Variants in ANK2 observed in about 807,000 individuals in gnomAD.
ANK2 encodes the protein ankyrin 2.
A neutral mutation model predicts 360.5 loss-of-function variants in ANK2; 83 were observed. That is an observed-to-expected ratio of 0.23 (90% CI 0.19 to 0.28). ANK2 has a LOEUF of 0.28. Among genes scored for constraint, ANK2 ranks in the 10% least tolerant of loss-of-function variants. The pLI is 1.00. For synonymous variants in ANK2, 1,740 were observed against 1,759.5 expected, an observed-to-expected ratio of 0.99 and a Z score of 0.28; for missense variants, 4,201 against 4,795.7, an observed-to-expected ratio of 0.88 and a Z score of 3.66.
intron 1 of ANK2, among the ~76,000 whole-genome samples, chr4:112,882,995 A>ACTT (rs2150472017): frequency 7.8e-6 from 1 of 127,406 alleles, no homozygotes; most frequent in East Asian, 2.4e-4. Flanking sequence ...GCTACTGGAC[A>ACTT]CTTTCTGGTT....
the ANK2 span, among the ~76,000 whole-genome samples, chr4:112,812,251 T>C: frequency 6.6e-6 from 1 of 152,150 alleles, no homozygotes; most frequent in Non-Finnish European, 1.5e-5. Context: ...CATTAGGACT[T>C]TTATATATTC....
chr4:113,304,760 A>T (rs2076451284), intron 23 of ANK2, among the ~76,000 whole-genome samples: 1 of 152,156 alleles, frequency 6.6e-6, no homozygotes. Flanking sequence ...TTTTTAATAT[A>T]GCTAAGAATA....
the ANK2 span, among the ~76,000 whole-genome samples, chr4:112,754,577 A>G: frequency 1.3e-5 from 2 of 151,380 alleles, no homozygotes; most frequent in African/African-American, 4.9e-5. Flanking sequence ...AAGTCTTCAT[A>G]TTAAAGTACA....
intron 9 of ANK2, among the ~76,000 whole-genome samples, chr4:113,245,279 A>G (rs2042247854): frequency 6.6e-6 from 1 of 152,164 alleles, no homozygotes; most frequent in Non-Finnish European, 1.5e-5. Flanking sequence ...TGGAACTATA[A>G]TATTTGATTA....
rs568383071 is a variant in ANK2, at chr4:113,016,412, A to G, written c.21+111898A>G. On this transcript the variant is annotated intron_variant, in intron 2 of 30. Transcript: ENST00000503271. ...TGCCTATGTGCCAAATACTGATGCA[A>G]GACAGTTTTGGTATAATGCAAAATT... 2.6e-5 allele frequency among the ~76,000 whole-genome samples: 4 copies of G among 152,262 alleles called. No homozygotes were observed. The South Asian group carries it at 6.2e-4, about 24-fold the overall frequency.
intron 2 of ANK2, among the ~76,000 whole-genome samples, chr4:112,962,149 C>T (rs1034942124): frequency 2.6e-5 from 4 of 152,086 alleles, no homozygotes; most frequent in African/African-American, 9.7e-5. Flanking sequence ...TTGCACTCAG[C>T]TGTGAGGATA....
chr4:112,964,185 T>C (rs1300571936), intron 2 of ANK2, among the ~76,000 whole-genome samples: 1 of 149,992 alleles, frequency 6.7e-6, no homozygotes, highest in Non-Finnish European at 1.5e-5. Context: ...AATCACATCA[T>C]GAAAAGTGAG....
chr4:112,921,379 GTTTTTTT>G (rs61196339), intron 2 of ANK2, among the ~76,000 whole-genome samples: 3 of 127,860 alleles, frequency 2.3e-5, no homozygotes, highest in Admixed American at 1.5e-4. Flanking sequence ...GTTTCTTTAA[GTTTTTTT>G]TTTTTTTTTT....
chr4:113,255,794 C>T lies in ANK2; in HGVS notation c.1050C>T (p.His350=). 1 of 1,614,162 alleles carries T rather than the reference C, an allele frequency of 6.2e-7. No individual in the cohort carries two copies. Among genetic ancestry groups the T allele is most frequent in the Non-Finnish European group, 8.5e-7 (1 of 1,180,020 alleles). The part of the protein sequence containing the change: ...AQGDHVECVK[H]LLQHKAPVDD... ...GAGACCACGTGGAATGTGTGAAGCA[C>T]CTGTTACAGCACAAGGCACCTGTTG... is the stretch of plus-strand genomic sequence containing the variant. Residue 350 remains histidine (H), a synonymous_variant, in exon 11 of 46, where the codon CAC becomes CAT. Transcript: ENST00000357077.
intron 2 of ANK2, among the ~76,000 whole-genome samples, chr4:113,187,379 G>T (rs1478426037): frequency 1.3e-5 from 2 of 152,178 alleles, no homozygotes; most frequent in African/African-American, 2.4e-5. Context: ...GAGATTTGTT[G>T]TTCAAGTTCC....
At chr4:113,040,511 C>T (rs1240957881) in intron 2 of ANK2, among the ~76,000 whole-genome samples, 1 of 152,014 alleles carries the variant, frequency 6.6e-6, no homozygotes, top group Non-Finnish European at 1.5e-5. Flanking sequence ...CTTTAAAATC[C>T]ATCTCAGTGA....
At chr4:113,061,908 T>C (rs934180647) in intron 1 of ANK2, among the ~76,000 whole-genome samples, 4 of 152,254 alleles carry the variant, frequency 2.6e-5, no homozygotes, top group Admixed American at 6.5e-5. Flanking sequence ...AGATACCCTG[T>C]TTACCCTGAT....
chr4:112,972,241 T>C (rs931785217), intron 2 of ANK2, among the ~76,000 whole-genome samples: 5 of 152,190 alleles, frequency 3.3e-5, no homozygotes, highest in Non-Finnish European at 5.9e-5. Flanking sequence ...GTTTGTTACA[T>C]AGGTCTACAT....
intron 2 of ANK2, among the ~76,000 whole-genome samples, chr4:112,936,846 T>G (rs879624641): frequency 3.3e-5 from 5 of 152,176 alleles, no homozygotes; most frequent in African/African-American, 1.2e-4. Flanking sequence ...TGTAGTGCAG[T>G]GGCGTGATCA....
chr4:112,865,493 A>G (rs2070171330), intron 1 of ANK2, among the ~76,000 whole-genome samples: 1 of 152,214 alleles, frequency 6.6e-6, no homozygotes, highest in South Asian at 2.1e-4. Context: ...CATATAAAAA[A>G]AGATTTATTT....
chr4:112,743,211 G>A, the ANK2 span, among the ~76,000 whole-genome samples: 12 of 152,036 alleles, frequency 7.9e-5, no homozygotes, highest in African/African-American at 2.9e-4. Context: ...ATGAAAGTGC[G>A]GGCAGTTTAC....
chr4:112,883,203 T>C (rs2077275673), intron 1 of ANK2, among the ~76,000 whole-genome samples: 1 of 151,886 alleles, frequency 6.6e-6, no homozygotes, highest in South Asian at 2.1e-4. Context: ...TACACCTGTC[T>C]AATTTTTGTA....
chr4:113,028,852 C>T (rs1455392440), intron 2 of ANK2, among the ~76,000 whole-genome samples: 2 of 152,084 alleles, frequency 1.3e-5, no homozygotes, highest in Non-Finnish European at 2.9e-5. Context: ...AAAGATACCC[C>T]AAAGACCATC....
chr4:112,922,459 G>A (rs1270714380), intron 2 of ANK2, among the ~76,000 whole-genome samples: 5 of 152,184 alleles, frequency 3.3e-5, no homozygotes, highest in African/African-American at 7.2e-5. Flanking sequence ...TAGGCTGAAT[G>A]TTGAGAAACT....
Sources: allele counts gnomAD v4.1 joint callset (sites outside exome capture counted in the v4.1 genomes callset), GRCh38; gene constraint gnomAD v4.1.1; transcripts MANE v1.5; gene names NCBI Gene and HGNC (gene_info 2026-07-23, HGNC 2026-07-21).